Variants in ANKRD18A observed in about 807,000 individuals in gnomAD.
The protein encoded by ANKRD18A is ankyrin repeat domain 18A, also known as ankyrin repeat domain-containing protein 18A.
Under a neutral mutation model 110.6 loss-of-function variants are expected in ANKRD18A, and 72 were observed. That is an observed-to-expected ratio of 0.65 (90% CI 0.54 to 0.79). The LOEUF is 0.79. ANKRD18A is among the 30% of genes least tolerant of loss of function. The probability of loss-of-function intolerance (pLI) is 0.00; values close to 1 mark genes in which losing one functional copy is unlikely to be tolerated. For missense variants in ANKRD18A, 934 were observed against 1,163.3 expected (o/e 0.80, Z 2.87); for synonymous variants, 305 against 410.3 (o/e 0.74, Z 3.10).
rs772838570 is a variant in ANKRD18A at position 38,577,855 on chromosome 9, T to C, written c.2529+12A>G. The C allele has an allele frequency of 1.3e-5, 20 of 1,576,898 alleles. No homozygotes were observed. The Admixed American group carries it at 1.7e-4, about 14-fold the overall frequency. ...CCATTACAGATAAACTTACCTGATTTTAAAAACTAACCTGTAAATGGATTT... is the reference window on the plus strand; with the variant it reads ...CCATTACAGATAAACTTACCTGATTCTAAAAACTAACCTGTAAATGGATTT... On this transcript the variant is annotated intron_variant, in intron 13 of 15. Transcript: ENST00000399703.
intron 10 of ANKRD18A, among the ~76,000 whole-genome samples, chr9:38,591,999 A>G (rs1563963584): frequency 6.6e-6 from 1 of 152,250 alleles, no homozygotes; most frequent in Admixed American, 6.5e-5. Context: ...CTGCAGCCAG[A>G]ACTATTCAGC....
chr9:38,618,409 A>G (rs1825944131), intron 1 of ANKRD18A, among the ~76,000 whole-genome samples: 1 of 152,216 alleles, frequency 6.6e-6, no homozygotes, highest in Admixed American at 6.5e-5. Context: ...GCATCTTCAC[A>G]TATCAACATA....
In ANKRD18A at chr9:38,615,897, C is replaced by T. The variant is rs746273298; in HGVS notation, c.321+33G>A. On this transcript the variant is annotated intron_variant, in intron 2 of 15. Transcript: ENST00000399703. ...TAATTCTATGTATTTAAATCAAATC[C>T]ATTTCATGCTGAAAGAGTTGGCTAC... 6 of 1,532,444 alleles carry T rather than the reference C, an allele frequency of 3.9e-6. No homozygotes were observed. The Admixed American group carries it at 8.8e-5, about 22-fold the overall frequency. 94.9% of individuals were successfully genotyped at this position (1,532,444 alleles called of 1,614,324 possible).
chr9:38,577,980 T>G lies in ANKRD18A; in HGVS notation c.2416A>C (p.Lys806Gln). The change falls in exon 13 of 16, where the codon AAG becomes CAG. Residue 806 changes from lysine to glutamine, a missense_variant. Physicochemically the swap from Lys to Gln is moderately conservative, Grantham distance 53. Transcript: ENST00000399703. ...ACCATATCTTTTTCCATATGTGTCT[T>G]AAGATTTAATACTTCTTCTTCCAAC... Reference protein sequence around the residue: ...KMLEEEVLNLKTHMEKDMVEL... With the variant: ...KMLEEEVLNLQTHMEKDMVEL... 6.4e-7 allele frequency: 1 copy of G among 1,571,816 alleles called. No individual in the cohort carries two copies. The highest frequency in any genetic ancestry group is 8.7e-7 in the Non-Finnish European group (1 of 1,155,434).
chr9:38,578,612 C>T (rs1004438839), intron 12 of ANKRD18A, among the ~76,000 whole-genome samples: 19 of 152,258 alleles, frequency 1.2e-4, no homozygotes, highest in African/African-American at 4.6e-4. Flanking sequence ...CATGGTGGCT[C>T]ATGCTTGTAA....
intron 5 of ANKRD18A, among the ~76,000 whole-genome samples, chr9:38,609,848 T>A (rs1276410104): frequency 6.7e-6 from 1 of 150,040 alleles, no homozygotes; most frequent in South Asian, 2.1e-4. Flanking sequence ...ATTAGAAAAG[T>A]CAGGCCAGGC....
intron 8 of ANKRD18A, among the ~76,000 whole-genome samples, chr9:38,597,973 CA>C (rs1563968011): frequency 6.6e-6 from 1 of 152,008 alleles, no homozygotes; most frequent in East Asian, 1.9e-4. Flanking sequence ...TATTTGTTTC[CA>C]AAAACATTTA....
chr9:38,593,256 A>G (rs1002542985), intron 10 of ANKRD18A, among the ~76,000 whole-genome samples: 6 of 152,220 alleles, frequency 3.9e-5, no homozygotes, highest in Non-Finnish European at 7.3e-5. Context: ...CTAACTTTTC[A>G]AGTAGTTTGT....
rs1461592315 is a variant in ANKRD18A at position 38,610,271 on chromosome 9, A to G, written c.740+2T>C. On this transcript the variant is annotated splice_donor_variant, in intron 5 of 15. Coordinates refer to ENST00000399703, the MANE Select transcript of ANKRD18A (RefSeq NM_147195.4). LOFTEE classifies it high-confidence loss of function. ...AACCGGTCTTTTAATATAAGCACATACCTTCTCAAATCAGAACAAAGAGCA... is the reference window on the plus strand; with the variant it reads ...AACCGGTCTTTTAATATAAGCACATGCCTTCTCAAATCAGAACAAAGAGCA... The G allele has an allele frequency of 1.2e-5, 19 of 1,534,466 alleles. No homozygotes were observed. The highest frequency in any genetic ancestry group is 1.6e-5 in the Non-Finnish European group (18 of 1,141,650).
At chr9:38,589,485 G>A (rs1824540266) in intron 10 of ANKRD18A, among the ~76,000 whole-genome samples, 1 of 152,222 alleles carries the variant, frequency 6.6e-6, no homozygotes, top group South Asian at 2.1e-4. Context: ...CTGTATCCGT[G>A]CTTTCACACC....
chr9:38,596,348 T>C lies in ANKRD18A; in HGVS notation c.992A>G (p.Lys331Arg). The part of the protein sequence containing the change: ...KDAMYGNFML[K>R]KDIAMLKEEL... Reference sequence around the variant, plus strand: ...CTCTTTGAGCATGGCAATGTCTTTCTTCAACATAAAATTTCCATACATCGC... The same window carrying C: ...CTCTTTGAGCATGGCAATGTCTTTCCTCAACATAAAATTTCCATACATCGC... The change falls in exon 9 of 16, where the codon AAG (lysine) becomes AGG (arginine). Residue 331 changes from lysine to arginine, a missense_variant. Physicochemically the swap from Lys to Arg is conservative, Grantham distance 26. Coordinates refer to ENST00000399703, the MANE Select transcript of ANKRD18A (RefSeq NM_147195.4). 5 of 1,489,548 alleles carry C rather than the reference T, an allele frequency of 3.4e-6. No homozygotes were observed. The South Asian group carries it at 5.4e-5, about 16-fold the overall frequency. The allele number at this position is 1,489,548 out of a possible 1,614,324, so 92.3% of individuals were successfully genotyped here.
chr9:38,594,819 A>G (rs1267812221), intron 9 of ANKRD18A, among the ~76,000 whole-genome samples: 1 of 152,138 alleles, frequency 6.6e-6, no homozygotes, highest in African/African-American at 2.4e-5. Context: ...ATTGAATCTG[A>G]TTTTCAAAAT....
chr9:38,612,521 CTTT>C (rs767816627), intron 3 of ANKRD18A, among the ~76,000 whole-genome samples: 1 of 124,308 alleles, frequency 8.0e-6, no homozygotes, highest in African/African-American at 3.3e-5. Flanking sequence ...TTTTCTTTTT[CTTT>C]TTTTTTTTTT....
At chr9:38,614,219 GTTTTTT>G (rs58955752) in intron 3 of ANKRD18A, among the ~76,000 whole-genome samples, 11 of 68,806 alleles carry the variant, frequency 1.6e-4, no homozygotes, top group East Asian at 5.6e-4. Context: ...GAACACTGAG[GTTTTTT>G]TTTTTTTTTT....
At position 38,616,010 on chromosome 9, in the gene ANKRD18A, C is replaced by T. The variant is rs140456506; in HGVS notation, c.241G>A (p.Val81Met). ...VLHLACAHGR[V>M]QVVTLLLHRR... is the part of the protein sequence containing the mutation. ...TGCAGCAAGAGAGTGACCACTTGCA[C>T]ACGGCCATGGGCACAGGCCAAATGT... The change falls in exon 2 of 16, where the codon GTG becomes ATG. Residue 81 changes from valine (V) to methionine (M), a missense_variant. Val to Met is a conservative substitution (Grantham distance 21). Coordinates refer to ENST00000399703, the MANE Select transcript of ANKRD18A (RefSeq NM_147195.4). The T allele has an allele frequency of 2.0e-3, 3,240 of 1,593,690 alleles. 56 individuals are homozygous for T. The African/African-American group carries it at 0.036, about 18-fold the overall frequency.
intron 3 of ANKRD18A, 96 bp downstream of exon 3, chr9:38,615,498 A>T (rs1825811118): frequency 7.1e-7 from 1 of 1,410,620 alleles, no homozygotes; most frequent in Non-Finnish European, 9.3e-7. Flanking sequence ...AGACATTTTC[A>T]TTCAGGAATA....
intron 13 of ANKRD18A, 86 bp downstream of exon 13, chr9:38,577,781 A>G: frequency 7.2e-7 from 1 of 1,398,136 alleles, no homozygotes; most frequent in Non-Finnish European, 9.4e-7. Context: ...CAGAGGAAAC[A>G]CAATATATAC....
intron 1 of ANKRD18A, among the ~76,000 whole-genome samples, chr9:38,618,470 T>C (rs528803097): frequency 4.6e-5 from 7 of 152,358 alleles, no homozygotes; most frequent in African/African-American, 1.7e-4. Flanking sequence ...CTATGGGTTC[T>C]TGTTAACATA....
In ANKRD18A at chr9:38,610,973, G is replaced by A. The variant is rs182331934; in HGVS notation, c.602+242C>T. ...CCCTTTAGCTAATATAAGATTACAG[G>A]ACCAAAAACACCAAATTACAAATAA... On this transcript the variant is annotated intron_variant, in intron 4 of 15. Coordinates refer to ENST00000399703, the MANE Select transcript of ANKRD18A (RefSeq NM_147195.4). Among the ~76,000 whole-genome samples the A allele has an allele frequency of 1.3e-4, 19 of 151,794 alleles. No individual in the cohort carries two copies. In the East Asian group the frequency reaches 3.7e-3, roughly 29 times the overall value.
Sources: allele counts gnomAD v4.1 joint callset (sites outside exome capture counted in the v4.1 genomes callset), GRCh38; gene constraint gnomAD v4.1.1; transcripts MANE v1.5; gene names NCBI Gene and HGNC (gene_info 2026-07-23, HGNC 2026-07-21).